Variants in DCP2 observed in about 807,000 individuals in gnomAD.
DCP2 encodes the protein decapping mRNA 2.
In DCP2, 30 loss-of-function variants were observed where a neutral mutation model predicts 56.1. The observed-to-expected ratio is 0.53, with a 90% CI of 0.40 to 0.73. The LOEUF (loss-of-function observed/expected upper bound fraction) is 0.73. Ranked by LOEUF, DCP2 falls within the 30% of genes least tolerant of loss-of-function variation. The probability of loss-of-function intolerance (pLI) is 0.00; values close to 1 mark genes in which losing one functional copy is unlikely to be tolerated. For missense variants in DCP2, 533 were observed against 502.7 expected (o/e 1.06, Z -0.58); for synonymous variants, 197 against 163.3 (o/e 1.21, Z -1.57).
chr5:113,002,977 AT>A (rs1749248499), intron 7 of DCP2, among the ~76,000 whole-genome samples: 1 of 152,156 alleles, frequency 6.6e-6, no homozygotes, highest in Non-Finnish European at 1.5e-5. Flanking sequence ...TGATTTTTAC[AT>A]TTTCTGTAAT....
In DCP2 at chr5:112,989,899, T is replaced by C. The variant is rs77050950; in HGVS notation, c.206-2222T>C. On this transcript the variant is annotated intron_variant, in intron 2 of 10. Transcript: ENST00000389063. ...TAGAAATGAATAGAAGAGATCAAATTTGAGAGCTATTTAGGAGGTAAGATT... is the reference window on the plus strand; with the variant it reads ...TAGAAATGAATAGAAGAGATCAAATCTGAGAGCTATTTAGGAGGTAAGATT... Among the ~76,000 whole-genome samples, 1,147 of 149,924 alleles carry C rather than the reference T, an allele frequency of 7.7e-3. 11 individuals carry two copies. Among genetic ancestry groups the C allele is most frequent in the African/African-American group, 0.028 (1,109 of 39,776 alleles).
chr5:112,992,157 A>G lies in DCP2; in HGVS notation c.242A>G (p.Glu81Gly). ...SHCPFLLPQG[E>G]DVEKVLDEWK... The stretch of plus-strand genomic sequence containing the variant: ...TGTCCGTTTTTGCTGCCTCAAGGTG[A>G]AGATGTGGAAAAAGTTTTGGATGAA... The change falls in exon 3 of 11, where the codon GAA becomes GGA. Residue 81 changes from glutamate to glycine, a missense_variant. By Grantham distance (98) the Glu-to-Gly change is moderately conservative (BLOSUM62 -2). Coordinates refer to ENST00000389063, the MANE Select transcript of DCP2 (RefSeq NM_152624.6). 6.2e-7 allele frequency: 1 copy of G among 1,614,052 alleles called. No homozygotes were observed. Among genetic ancestry groups the G allele is most frequent in the Non-Finnish European group, 8.5e-7 (1 of 1,180,000 alleles).
At chr5:112,993,995 C>A (rs1748722865) in intron 4 of DCP2, among the ~76,000 whole-genome samples, 1 of 151,768 alleles carries the variant, frequency 6.6e-6, no homozygotes, top group East Asian at 1.9e-4. Context: ...GAGGCAAAGT[C>A]TATGTTGCCC....
intron 1 of DCP2, among the ~76,000 whole-genome samples, chr5:112,979,653 C>T (rs1580788140): frequency 6.6e-6 from 1 of 152,116 alleles, no homozygotes; most frequent in South Asian, 2.1e-4. Flanking sequence ...ATGTGGAGAG[C>T]AGCAGACTTA....
At chr5:112,987,429 C>T (rs983360345) in intron 2 of DCP2, among the ~76,000 whole-genome samples, 8 of 152,002 alleles carry the variant, frequency 5.3e-5, no homozygotes, top group Non-Finnish European at 1.2e-4. Flanking sequence ...AAATCTTGAG[C>T]TAAAGCACTT....
chr5:113,006,891 G>A (rs953102183), intron 8 of DCP2, among the ~76,000 whole-genome samples: 12 of 152,038 alleles, frequency 7.9e-5, no homozygotes, highest in Non-Finnish European at 1.5e-4. Context: ...CTAGCTCTTC[G>A]GGAGGCCAAG....
chr5:113,002,380 G>GCCACTGTACT (rs1197723970), intron 7 of DCP2, among the ~76,000 whole-genome samples: 2 of 150,232 alleles, frequency 1.3e-5, no homozygotes, highest in African/African-American at 4.9e-5. Context: ...CCAAGATCAT[G>GCCACTGTACT]CCACTGTACT....
At chr5:112,984,725 T>TATA (rs1157313721) in intron 1 of DCP2, 5 of 135,608 alleles carry the variant, frequency 3.7e-5, no homozygotes, top group African/African-American at 8.5e-5. Flanking sequence ...TATATATATA[T>TATA]TTGAGACAGT....
rs1175163358 is a variant in DCP2 at position 113,004,084 on chromosome 5, G to A, written c.942+7G>A. On this transcript the variant is annotated splice_region_variant and intron_variant, in intron 8 of 10. Coordinates refer to ENST00000389063, the MANE Select transcript of DCP2 (RefSeq NM_152624.6). ...TGACCTTTTAAAAGGAAAGGTGAGT[G>A]ATACACAATTACAGTCTTTTCAGAA... 1.9e-6 allele frequency: 3 copies of A among 1,610,476 alleles called. No homozygotes were observed. Among genetic ancestry groups the A allele is most frequent in the African/African-American group, 2.7e-5 (2 of 74,796 alleles).
At chr5:112,996,672 T>TA (rs985534691) in intron 4 of DCP2, among the ~76,000 whole-genome samples, 25 of 152,298 alleles carry the variant, frequency 1.6e-4, no homozygotes, top group South Asian at 1.2e-3. Context: ...TGTAAGTAAT[T>TA]ATCAATAGAG....
intron 1 of DCP2, among the ~76,000 whole-genome samples, chr5:112,977,505 G>T (rs898332613): frequency 6.6e-6 from 1 of 152,192 alleles, no homozygotes; most frequent in Admixed American, 6.5e-5. Context: ...TTTGTCCGTG[G>T]CGTTCTCTGT....
chr5:112,986,078 CTATT>C, intron 2 of DCP2, 92 bp downstream of exon 2: 1 of 1,302,008 alleles, frequency 7.7e-7, no homozygotes, highest in Admixed American at 2.3e-5. Context: ...GATTTTAAAA[CTATT>C]AGAGAAAAAC....
chr5:112,989,605 T>C (rs905745683), intron 2 of DCP2, among the ~76,000 whole-genome samples: 3 of 152,180 alleles, frequency 2.0e-5, no homozygotes, highest in Non-Finnish European at 4.4e-5. Context: ...GTAGGCCATA[T>C]TTCTTTAAAA....
chr5:112,992,113 A>T lies in DCP2; in HGVS notation c.206-8A>T, dbSNP rs779097913. 6.2e-7 allele frequency: 1 copy of T among 1,613,312 alleles called. No homozygotes were observed. ...AGGAGAAAGTAACTTCCTTGACACT[A>T]TTTATACTCTTCAGTCATTGTCCGT... On this transcript the variant is annotated splice_region_variant and splice_polypyrimidine_tract_variant and intron_variant, in intron 2 of 10. Transcript: ENST00000389063.
intron 10 of DCP2, among the ~76,000 whole-genome samples, chr5:113,011,495 AT>A (rs1217134762): frequency 6.6e-6 from 1 of 152,142 alleles, no homozygotes; most frequent in Admixed American, 6.5e-5. Flanking sequence ...ATTGTATGAA[AT>A]TTCCTGTGCA....
At chr5:112,978,869 C>G (rs1747858565) in intron 1 of DCP2, among the ~76,000 whole-genome samples, 1 of 152,058 alleles carries the variant, frequency 6.6e-6, no homozygotes, top group African/African-American at 2.4e-5. Context: ...CAGTAATTAG[C>G]TGTGTGTTAA....
rs1407325869 is a variant in DCP2 at position 113,021,372 on chromosome 5, AAAC to A, written c.*7891_*7893del. Among the ~76,000 whole-genome samples, 4 of 141,536 alleles carry A rather than the reference AAAC, an allele frequency of 2.8e-5. No individual in the cohort carries two copies. Among genetic ancestry groups the A allele is most frequent in the African/African-American group, 1.2e-4 (4 of 34,654 alleles). The allele number at this position is 141,536 out of a possible 152,430, so 92.9% of individuals were successfully genotyped here. On this transcript the variant is annotated 3_prime_UTR_variant, in exon 11 of 11. Transcript: ENST00000389063. ...AACAGAGCAAGACTCTGTCTGGAAA[AAAC>A]AAAAAACAACCAAAAAAAAAAAAAA...
At chr5:112,995,999 C>G (rs1748829846) in intron 4 of DCP2, among the ~76,000 whole-genome samples, 1 of 152,202 alleles carries the variant, frequency 6.6e-6, no homozygotes, top group South Asian at 2.1e-4. Context: ...AAAAATGGCA[C>G]CAGCCCTGTC....
Position 113,004,168 on chromosome 5 carries a change from C to G in DCP2, c.942+91C>G. ...TTGGAGAATTACATCTTAATAGTTA[C>G]AGAGAGCTCTGAGTTACTGATCAAA... On this transcript the variant is annotated intron_variant, in intron 8 of 10. Transcript: ENST00000389063. 20 of 1,428,164 alleles carry G rather than the reference C, an allele frequency of 1.4e-5. No individual in the cohort carries two copies. In the South Asian group the frequency reaches 2.5e-4, roughly 18 times the overall value. 88.5% of individuals were successfully genotyped at this position (1,428,164 alleles called of 1,614,324 possible).
Sources: allele counts gnomAD v4.1 joint callset (sites outside exome capture counted in the v4.1 genomes callset), GRCh38; gene constraint gnomAD v4.1.1; transcripts MANE v1.5; gene names NCBI Gene and HGNC (gene_info 2026-07-23, HGNC 2026-07-21).